Variants in MGMT observed in about 807,000 individuals in gnomAD.
The protein encoded by MGMT is O-6-methylguanine-DNA methyltransferase, also known as methylated-DNA--protein-cysteine methyltransferase.
A neutral mutation model predicts 15.9 loss-of-function variants in MGMT; 14 were observed. The observed-to-expected ratio is 0.88, with a 90% CI of 0.58 to 1.37. The LOEUF is 1.37. MGMT is among the 40% of genes most tolerant of loss of function. The pLI is 0.00. For missense variants in MGMT, 282 were observed against 268.1 expected (o/e 1.05, Z -0.36); for synonymous variants, 130 against 118.2 (o/e 1.10, Z -0.65).
chr10:129,486,964 G>A (rs768451757), intron 1 of MGMT, among the ~76,000 whole-genome samples: 1 of 152,218 alleles, frequency 6.6e-6, no homozygotes, highest in Non-Finnish European at 1.5e-5. Context: ...TAACGTTAAA[G>A]CCTTGTATGG....
intron 2 of MGMT, among the ~76,000 whole-genome samples, chr10:129,672,870 A>G (rs1314711781): frequency 3.3e-5 from 5 of 152,000 alleles, no homozygotes; most frequent in African/African-American, 7.3e-5. Context: ...ATTTTGTGCC[A>G]TATTAGTACA....
intron 2 of MGMT, among the ~76,000 whole-genome samples, chr10:129,600,823 A>G (rs1846812933): frequency 6.6e-6 from 1 of 152,178 alleles, no homozygotes; most frequent in Non-Finnish European, 1.5e-5. Flanking sequence ...ACCTGGCTGC[A>G]TTGTCTGATG....
chr10:129,677,614 C>G (rs1036702303), intron 2 of MGMT, among the ~76,000 whole-genome samples: 1 of 152,200 alleles, frequency 6.6e-6, no homozygotes, highest in African/African-American at 2.4e-5. Context: ...CCACCATGTC[C>G]CCACCTGACA....
rs1845945936 is a variant in MGMT at position 129,532,724 on chromosome 10, T to C, written c.-12-3517T>C. Among the ~76,000 whole-genome samples the C allele has an allele frequency of 6.6e-6, 1 of 152,058 alleles. No homozygotes were observed. On this transcript the variant is annotated intron_variant, in intron 1 of 4. Transcript: ENST00000651593. The surrounding 1 kb of genome is among the most constrained non-coding windows in gnomAD (Gnocchi z 5.3). ...TGACAGCCCTTCCAGCCCGTCACGG[T>C]GTGTAGTGCCCAAAGCCCTGGCCGT... is the stretch of plus-strand genomic sequence containing the variant.
chr10:129,631,691 G>C (rs907471921), intron 2 of MGMT, among the ~76,000 whole-genome samples: 1 of 152,124 alleles, frequency 6.6e-6, no homozygotes, highest in African/African-American at 2.4e-5. Context: ...GGGTGAGATG[G>C]TGTGCACCTG....
intron 2 of MGMT, among the ~76,000 whole-genome samples, chr10:129,634,255 T>A (rs1205617648): frequency 6.6e-6 from 1 of 152,182 alleles, no homozygotes; most frequent in Admixed American, 6.5e-5. Context: ...CATGATTTTT[T>A]CCTCTGGTAG....
intron 2 of MGMT, among the ~76,000 whole-genome samples, chr10:129,543,258 T>A (rs1242152545): frequency 3.3e-5 from 5 of 150,016 alleles, no homozygotes; most frequent in African/African-American, 1.2e-4. Flanking sequence ...TAAGTGAGGG[T>A]ATGGCGTGAA....
chr10:129,496,187 A>G (rs537795979), intron 1 of MGMT, among the ~76,000 whole-genome samples: 1 of 152,258 alleles, frequency 6.6e-6, no homozygotes, highest in Non-Finnish European at 1.5e-5. Context: ...CTGTTTTATA[A>G]ATATTTCAGG....
chr10:129,498,299 A>G (rs1845543062), intron 1 of MGMT, among the ~76,000 whole-genome samples: 1 of 152,164 alleles, frequency 6.6e-6, no homozygotes, highest in South Asian at 2.1e-4. Context: ...TCCCATTGGT[A>G]ATTAATACCT....
intron 2 of MGMT, among the ~76,000 whole-genome samples, chr10:129,578,447 A>G (rs11016844): frequency 3.0e-4 from 45 of 150,192 alleles, no homozygotes; most frequent in East Asian, 4.0e-4. Context: ...AAAACCAAAC[A>G]CCGCATGTTC....
At chr10:129,575,174 C>T (rs893610215) in intron 2 of MGMT, among the ~76,000 whole-genome samples, 1 of 152,278 alleles carries the variant, frequency 6.6e-6, no homozygotes, top group African/African-American at 2.4e-5. Context: ...CAGCTCTGCA[C>T]CAAGCGGACC....
intron 1 of MGMT, among the ~76,000 whole-genome samples, chr10:129,507,289 G>T (rs1308407857): frequency 6.6e-6 from 1 of 152,228 alleles, no homozygotes; most frequent in Non-Finnish European, 1.5e-5. Context: ...AGACGGATGT[G>T]AATCTCCCCT....
At chr10:129,690,925 C>A (rs773594815) in intron 2 of MGMT, among the ~76,000 whole-genome samples, 1 of 152,152 alleles carries the variant, frequency 6.6e-6, no homozygotes, top group Non-Finnish European at 1.5e-5. Flanking sequence ...TGGTGACAAC[C>A]AGGCAGGATT....
At chr10:129,663,298 A>C (rs1847621634) in intron 2 of MGMT, among the ~76,000 whole-genome samples, 1 of 152,238 alleles carries the variant, frequency 6.6e-6, no homozygotes, top group Admixed American at 6.5e-5. Flanking sequence ...AACGTAATAG[A>C]ATGTCTGTAA....
chr10:129,679,159 G>A (rs1847819451), intron 2 of MGMT, among the ~76,000 whole-genome samples: 1 of 152,024 alleles, frequency 6.6e-6, no homozygotes, highest in African/African-American at 2.4e-5. Context: ...GCTCTTACAA[G>A]CAAGCAGTTC....
intron 2 of MGMT, among the ~76,000 whole-genome samples, chr10:129,650,400 T>G (rs1367397304): frequency 6.6e-6 from 1 of 152,204 alleles, no homozygotes; most frequent in East Asian, 1.9e-4. Context: ...CTAAAGCCCT[T>G]GCTGGCCAGG....
intron 2 of MGMT, among the ~76,000 whole-genome samples, chr10:129,615,054 G>T (rs1198055867): frequency 1.3e-5 from 2 of 152,094 alleles, no homozygotes; most frequent in Non-Finnish European, 2.9e-5. Flanking sequence ...GAATTTTGAG[G>T]GGTGGGGAGG....
chr10:129,587,391 G>C (rs1033855823), intron 2 of MGMT, among the ~76,000 whole-genome samples: 2 of 146,126 alleles, frequency 1.4e-5, no homozygotes, highest in Non-Finnish European at 3.0e-5. Context: ...CTTTTCTTCT[G>C]CAATGCCTAA....
chr10:129,739,766 T>G (rs1291473944), intron 3 of MGMT, among the ~76,000 whole-genome samples: 1 of 152,260 alleles, frequency 6.6e-6, no homozygotes. Context: ...TAACACATTA[T>G]GAGTTTTTTT....
Sources: gnomAD v4.1 joint callset for allele counts (sites outside exome capture counted in the v4.1 genomes callset) on GRCh38, gnomAD v4.1.1 for gene constraint, Gnocchi (gnomAD v3.1) non-coding constraint, MANE v1.5 for transcripts, NCBI Gene and HGNC (gene_info 2026-07-23, HGNC 2026-07-21) for gene names.